Variants in ZNF335 observed in about 807,000 individuals in gnomAD.
ZNF335 encodes the protein zinc finger protein 335.
ZNF335 carries 84 observed loss-of-function variants against 145.6 expected under a neutral mutation model. The observed-to-expected ratio is 0.58, with a 90% CI of 0.48 to 0.69. The LOEUF is 0.69. Ranked by LOEUF, ZNF335 falls within the 30% of genes least tolerant of loss-of-function variation. ZNF335 has a pLI of 0.00. For missense variants in ZNF335, 1,865 were observed against 1,809.7 expected (o/e 1.03, Z -0.55); for synonymous variants, 761 against 717.0 (o/e 1.06, Z -0.98).
At chr20:45,964,939 G>A (rs1225510366) in intron 7 of ZNF335, among the ~76,000 whole-genome samples, 7 of 151,874 alleles carry the variant, frequency 4.6e-5, no homozygotes, top group South Asian at 2.1e-4. Context: ...GCTGAGGCAC[G>A]AGAATTGCTC....
chr20:45,963,365 G>T, intron 9 of ZNF335, 108 bp downstream of exon 9: 1 of 1,276,084 alleles, frequency 7.8e-7, no homozygotes, highest in Non-Finnish European at 1.1e-6. Flanking sequence ...CAGCAGGAGA[G>T]CGTGACCCAG....
rs1450049531 is a variant in ZNF335, at chr20:45,968,352, A to C, written c.453T>G (p.Thr151=). The change falls in exon 4 of 28, where the codon ACT becomes ACG. Residue 151 remains threonine, a synonymous_variant. Transcript: ENST00000322927. ...CCCCGCCATCCTCAGCACTGGTCAC[A>C]GTGATGCAGTCTGGGCAGAGATGGG... The part of the protein sequence containing the change: ...IGPDLIQNCI[T]VTSAEDGGAE... 1.2e-6 allele frequency: 2 copies of C among 1,611,600 alleles called. No individual in the cohort carries two copies. The highest frequency in any genetic ancestry group is 3.3e-5 in the Admixed American group (2 of 59,982).
intron 17 of ZNF335, 65 bp downstream of exon 17, chr20:45,957,521 G>T: frequency 1.4e-6 from 2 of 1,477,416 alleles, no homozygotes; most frequent in South Asian, 1.1e-5. Flanking sequence ...TCTAGTCCCA[G>T]TGTCCAGTGC....
intron 2 of ZNF335, chr20:45,970,124 T>C (rs41280278): frequency 0.041 from 6,588 of 159,170 alleles, 161 homozygotes; most frequent in African/African-American, 0.047. Flanking sequence ...TCCTCAGTGC[T>C]GCAGCTGCCT....
intron 9 of ZNF335, among the ~76,000 whole-genome samples, chr20:45,962,823 G>GT (rs1482942790): frequency 6.2e-5 from 7 of 112,884 alleles, no homozygotes; most frequent in African/African-American, 2.1e-4. Context: ...TTGTTTGTTT[G>GT]TTTTTTTGAG....
intron 10 of ZNF335, 158 bp downstream of exon 10, chr20:45,961,912 T>A (rs1407633330): frequency 1.6e-6 from 1 of 622,548 alleles, no homozygotes; most frequent in Non-Finnish European, 2.9e-6. Context: ...CCAAATGAAC[T>A]GGGGTGAACT....
chr20:45,968,095 C>T (rs1161077779), intron 4 of ZNF335, 68 bp from the exon 5 acceptor site: 3 of 1,593,784 alleles, frequency 1.9e-6, no homozygotes, highest in East Asian at 2.2e-5. Context: ...GCTATAGCTA[C>T]CCCTCCCAGG....
rs1308954959 is a variant in ZNF335 at position 45,960,663 on chromosome 20, G to A, written c.1735C>T (p.Gln579Ter). The change falls in exon 12 of 28, where the codon CAG (glutamine) becomes TAG (stop). Residue 579 changes from glutamine (Q) to a stop codon, truncating the protein, a stop_gained. Transcript: ENST00000322927. LOFTEE classifies it high-confidence loss of function. Reference protein sequence around the residue: ...RVYPMQKRLTQHMKTHSTEKP... With the variant: ...RVYPMQKRLT Reference sequence around the variant, plus strand: ...TCAGTGCTGTGCGTCTTCATGTGCTGCGTGAGTCTTTTCTGCATGGGGTAC... The same window carrying A: ...TCAGTGCTGTGCGTCTTCATGTGCTACGTGAGTCTTTTCTGCATGGGGTAC... The A allele has an allele frequency of 3.7e-6, 6 of 1,614,008 alleles. No homozygotes were observed. Among genetic ancestry groups the A allele is most frequent in the Non-Finnish European group, 5.1e-6 (6 of 1,180,028 alleles).
At chr20:45,955,933 A>G (rs2083720978) in intron 17 of ZNF335, among the ~76,000 whole-genome samples, 1 of 152,222 alleles carries the variant, frequency 6.6e-6, no homozygotes, top group Non-Finnish European at 1.5e-5. Context: ...ATAGCTGAGA[A>G]CATCCATGTG....
intron 9 of ZNF335, 38 bp from the exon 10 acceptor site, chr20:45,962,220 G>A (rs1427800724): frequency 6.5e-7 from 1 of 1,547,030 alleles, no homozygotes; most frequent in South Asian, 1.1e-5. Flanking sequence ...CTGGGGCTTG[G>A]CCTCCTCTCC....
chr20:45,964,084 C>A, intron 7 of ZNF335, 94 bp from the exon 8 acceptor site: 1 of 1,450,358 alleles, frequency 6.9e-7, no homozygotes, highest in East Asian at 2.3e-5. Context: ...ATCCTCCCAC[C>A]CACTCATCAC....
At chr20:45,969,807 G>T in intron 2 of ZNF335, 116 bp from the exon 3 acceptor site, 1 of 1,413,848 alleles carries the variant, frequency 7.1e-7, no homozygotes, top group Non-Finnish European at 9.6e-7. Context: ...GGTCAGTGGA[G>T]CCACTCATGC....
rs534120492 is a variant in ZNF335 at position 45,959,147 on chromosome 20, G to A, written c.2253+54C>T. On this transcript the variant is annotated intron_variant, in intron 15 of 27. Transcript: ENST00000322927. The stretch of plus-strand genomic sequence containing the variant: ...TGCATCTCAATGTGCAAATGATGCT[G>A]GGGCTGGGAGAAGCGGCCTCACTCT... 241 of 1,284,618 alleles carry A rather than the reference G, an allele frequency of 1.9e-4. 2 individuals are homozygous for A. Among genetic ancestry groups the A allele is most frequent in the Middle Eastern group, 1.0e-3 (5 of 4,856 alleles). 79.6% of individuals were successfully genotyped at this position (1,284,618 alleles called of 1,614,324 possible).
At position 45,960,540 on chromosome 20, in the gene ZNF335, G is replaced by A. The variant is rs1411853992; in HGVS notation, c.1783-15C>T. The stretch of plus-strand genomic sequence containing the variant: ...GACTTTCCACACTGTGAGGGGTGGA[G>A]AGCAGTGAGATGGCGATCACCCTCC... On this transcript the variant is annotated splice_polypyrimidine_tract_variant and intron_variant, in intron 12 of 27. Transcript: ENST00000322927. 1.2e-6 allele frequency: 2 copies of A among 1,613,958 alleles called. No homozygotes were observed. Among genetic ancestry groups the A allele is most frequent in the East Asian group, 2.2e-5 (1 of 44,870 alleles).
intron 16 of ZNF335, 27 bp downstream of exon 16, chr20:45,957,808 G>C (rs1472768589): frequency 1.2e-6 from 2 of 1,612,698 alleles, no homozygotes; most frequent in Non-Finnish European, 1.7e-6. Context: ...TACCCTCCAT[G>C]AGCTCCTATC....
chr20:45,966,583 C>T (rs1350455726), intron 6 of ZNF335, among the ~76,000 whole-genome samples: 2 of 148,442 alleles, frequency 1.3e-5, no homozygotes, highest in Non-Finnish European at 1.5e-5. Flanking sequence ...CAGAGTCTTG[C>T]TCTGTCGCCC....
intron 7 of ZNF335, 115 bp from the exon 8 acceptor site, chr20:45,964,105 T>C (rs2083905705): frequency 1.5e-6 from 2 of 1,314,610 alleles, no homozygotes; most frequent in Non-Finnish European, 2.0e-6. Context: ...AGACCACTGA[T>C]GGGTGCATTG....
intron 20 of ZNF335, 149 bp downstream of exon 20, chr20:45,951,998 C>T (rs371118061): frequency 1.7e-6 from 2 of 1,179,210 alleles, no homozygotes; most frequent in Admixed American, 3.1e-5. Context: ...TCCCTGAGAG[C>T]TGGGACCTTG....
In ZNF335 at chr20:45,971,346, G is replaced by T; in HGVS notation, c.65C>A (p.Pro22His). The T allele has an allele frequency of 1.3e-6, 2 of 1,599,826 alleles. No individual in the cohort carries two copies. Among genetic ancestry groups the T allele is most frequent in the Non-Finnish European group, 1.7e-6 (2 of 1,179,446 alleles). ...GCCCACACCCAGGCCGCTCTCAGAG[G>T]GCTCCTCGGGCCGGCCAGGCCCAGG... is the stretch of plus-strand genomic sequence containing the variant. Reference protein sequence around the residue: ...AAPGPGRPEEPSESGLGVGTS... With the variant: ...AAPGPGRPEEHSESGLGVGTS... The change falls in exon 2 of 28, where the codon CCC becomes CAC. Residue 22 changes from proline to histidine, a missense_variant. Physicochemically the swap from Pro to His is moderately conservative, Grantham distance 77. Transcript: ENST00000322927.
Sources: gnomAD v4.1 joint callset for allele counts (sites outside exome capture counted in the v4.1 genomes callset) on GRCh38, gnomAD v4.1.1 for gene constraint, MANE v1.5 for transcripts, NCBI Gene and HGNC (gene_info 2026-07-23, HGNC 2026-07-21) for gene names.